Variants in GRM7 observed in about 807,000 individuals in gnomAD.
GRM7 encodes glutamate metabotropic receptor 7, also known as metabotropic glutamate receptor 7.
Under a neutral mutation model 84.5 loss-of-function variants are expected in GRM7, and 35 were observed. The observed-to-expected ratio is 0.41, with a 90% confidence interval of 0.32 to 0.55. The LOEUF (loss-of-function observed/expected upper bound fraction) is 0.55, where lower values mean the gene tolerates loss of function less well. Ranked by LOEUF, GRM7 falls within the 20% of genes least tolerant of loss-of-function variation. The pLI, the probability that GRM7 is intolerant of heterozygous loss-of-function variation, is 0.19. For synonymous variants in GRM7, 487 were observed against 455.1 expected (o/e 1.07, Z -0.89); for missense variants, 1,003 against 1,194.6 (o/e 0.84, Z 2.36).
chr3:7,380,404 A>G (rs1694541101), intron 4 of GRM7, among the ~76,000 whole-genome samples: 1 of 152,180 alleles, frequency 6.6e-6, no homozygotes, highest in Non-Finnish European at 1.5e-5. Flanking sequence ...ATTTTGTGAC[A>G]CCAATCTATT....
chr3:7,413,081 G>C (rs1696011421), intron 4 of GRM7, among the ~76,000 whole-genome samples: 1 of 152,018 alleles, frequency 6.6e-6, no homozygotes, highest in Non-Finnish European at 1.5e-5. Context: ...CTTGGTAACT[G>C]TATGTCTTGT....
At chr3:7,399,793 A>G (rs1468742976) in intron 4 of GRM7, among the ~76,000 whole-genome samples, 1 of 152,146 alleles carries the variant, frequency 6.6e-6, no homozygotes, top group Non-Finnish European at 1.5e-5. Flanking sequence ...TCTGCATACC[A>G]GCTCCCCGTC....
In GRM7 at chr3:6,861,439, C is replaced by T. The variant is rs1485463008; in HGVS notation, c.51C>T (p.Pro17=). The stretch of plus-strand genomic sequence containing the variant: ...GCGTCCTGACTTTGATGAAGTTCCC[C>T]TGCTGCGTGCTGGAGGTGCTCCTGT... ...LLRVLTLMKF[P]CCVLEVLLCA... is the part of the protein sequence containing the mutation. The change falls in exon 1 of 10, where the codon CCC becomes CCT. Residue 17 remains proline (P), a synonymous_variant. Coordinates refer to ENST00000357716, the MANE Select transcript of GRM7 (RefSeq NM_000844.4). This position sits in a 1 kb window ranked among gnomAD's most constrained non-coding sequence, Gnocchi z 6.4. The T allele has an allele frequency of 6.3e-6, 10 of 1,593,766 alleles. No individual in the cohort carries two copies. Among genetic ancestry groups the T allele is most frequent in the East Asian group, 2.3e-5 (1 of 43,584 alleles).
chr3:6,954,899 C>A (rs1398175118), intron 1 of GRM7, among the ~76,000 whole-genome samples: 1 of 152,128 alleles, frequency 6.6e-6, no homozygotes, highest in African/African-American at 2.4e-5. Flanking sequence ...AGGGAGATGA[C>A]TCAAATTTAT....
chr3:7,210,149 A>G (rs1312325802), intron 2 of GRM7, among the ~76,000 whole-genome samples: 3 of 152,180 alleles, frequency 2.0e-5, no homozygotes, highest in Non-Finnish European at 4.4e-5. Context: ...CACATTCTTC[A>G]TGGTAATGGG....
intron 8 of GRM7, among the ~76,000 whole-genome samples, chr3:7,628,804 T>C (rs532761494): frequency 2.9e-4 from 44 of 152,218 alleles, no homozygotes; most frequent in African/African-American, 1.0e-3. Flanking sequence ...TCAGCAGCCA[T>C]ATTGGTATTT....
intron 2 of GRM7, among the ~76,000 whole-genome samples, chr3:7,183,211 TTAAAGAC>T (rs1695402375): frequency 6.6e-6 from 1 of 152,218 alleles, no homozygotes; most frequent in Admixed American, 6.5e-5. Flanking sequence ...GGCATTAACT[TTAAAGAC>T]TAGGAAGTTA....
At chr3:7,208,683 C>G (rs1696320996) in intron 2 of GRM7, among the ~76,000 whole-genome samples, 1 of 152,112 alleles carries the variant, frequency 6.6e-6, no homozygotes, top group South Asian at 2.1e-4. Flanking sequence ...ATCATGGGTG[C>G]TTACTGATAC....
intron 4 of GRM7, among the ~76,000 whole-genome samples, chr3:7,401,970 A>G (rs1695470653): frequency 6.6e-6 from 1 of 152,170 alleles, no homozygotes; most frequent in South Asian, 2.1e-4. Context: ...AAGAGCAAGG[A>G]ATATATCAAG....
intron 1 of GRM7, among the ~76,000 whole-genome samples, chr3:6,952,193 G>T (rs568289888): frequency 5.3e-4 from 80 of 152,252 alleles, no homozygotes; most frequent in Non-Finnish European, 9.4e-4. Flanking sequence ...GGAAGGAACA[G>T]AATCATATTT....
intron 1 of GRM7, among the ~76,000 whole-genome samples, chr3:7,142,093 G>A (rs532278835): frequency 1.4e-4 from 21 of 151,972 alleles, no homozygotes; most frequent in Admixed American, 3.9e-4. Context: ...ACTTGAAAAG[G>A]TTTAAATATT....
intron 2 of GRM7, among the ~76,000 whole-genome samples, chr3:7,235,077 A>AAAG (rs1421249479): frequency 6.6e-6 from 1 of 152,192 alleles, no homozygotes; most frequent in Non-Finnish European, 1.5e-5. Flanking sequence ...TAGAATAAAA[A>AAAG]AAGTAAACTA....
At chr3:7,002,276 G>C (rs1026467708) in intron 1 of GRM7, among the ~76,000 whole-genome samples, 2 of 152,148 alleles carry the variant, frequency 1.3e-5, no homozygotes, top group African/African-American at 4.8e-5. Context: ...ATTTGTGTTT[G>C]AGGAATTTTG....
At chr3:6,866,960 G>A (rs1574943905) in intron 1 of GRM7, among the ~76,000 whole-genome samples, 1 of 152,102 alleles carries the variant, frequency 6.6e-6, no homozygotes, top group Admixed American at 6.5e-5. Flanking sequence ...TGTGATTCTG[G>A]GGCTCCCAGT....
chr3:7,729,063 C>A (rs62233903), intron 9 of GRM7, among the ~76,000 whole-genome samples: 20 of 140,748 alleles, frequency 1.4e-4, no homozygotes, highest in Non-Finnish European at 2.9e-4. Flanking sequence ...TTTTTTTCCC[C>A]ATAGTTTTGG....
intron 4 of GRM7, among the ~76,000 whole-genome samples, chr3:7,365,921 G>T (rs972891563): frequency 6.6e-6 from 1 of 151,264 alleles, no homozygotes; most frequent in Non-Finnish European, 1.5e-5. Flanking sequence ...TTTTCCAAGA[G>T]ACTGGAAGTT....
intron 6 of GRM7, among the ~76,000 whole-genome samples, chr3:7,460,415 C>A (rs1350627135): frequency 6.6e-6 from 1 of 151,792 alleles, no homozygotes; most frequent in African/African-American, 2.4e-5. Flanking sequence ...TTCCAAACAG[C>A]AAGCTGGGGC....
At chr3:6,980,020 AT>A (rs1029196539) in intron 1 of GRM7, among the ~76,000 whole-genome samples, 3 of 151,954 alleles carry the variant, frequency 2.0e-5, no homozygotes, top group African/African-American at 7.2e-5. Context: ...CTCAACTGGA[AT>A]TTTTTTTGTT....
chr3:7,303,960 G>T, intron 3 of GRM7, among the ~76,000 whole-genome samples: 1 of 151,232 alleles, frequency 6.6e-6, no homozygotes. Flanking sequence ...TAAATTAAGG[G>T]AAAACTTTTT....
Sources: allele counts gnomAD v4.1 joint callset (sites outside exome capture counted in the v4.1 genomes callset), GRCh38; gene constraint gnomAD v4.1.1; non-coding constraint Gnocchi (gnomAD v3.1); transcripts MANE v1.5; gene names NCBI Gene and HGNC (gene_info 2026-07-23, HGNC 2026-07-21).